VIPR2: variants seen among roughly 807,000 people sequenced by gnomAD.
VIPR2 encodes vasoactive intestinal peptide receptor 2.
VIPR2 carries 48 observed loss-of-function variants against 58.0 expected under a neutral mutation model. The observed-to-expected ratio is 0.83, with a 90% CI of 0.66 to 1.05. VIPR2 has a LOEUF of 1.05. Ranked by LOEUF, VIPR2 falls within the 50% of genes least tolerant of loss-of-function variation. The pLI is 0.00. For missense variants in VIPR2, 534 were observed against 558.0 expected (o/e 0.96, Z 0.43); for synonymous variants, 243 against 235.2 (o/e 1.03, Z -0.30).
rs1857817236 is a variant in VIPR2 at position 159,096,036 on chromosome 7, C to T, written c.357+7721G>A. Among the ~76,000 whole-genome samples the T allele has an allele frequency of 6.6e-6, 1 of 152,140 alleles. No individual in the cohort carries two copies. Among genetic ancestry groups the T allele is most frequent in the African/African-American group, 2.4e-5 (1 of 41,424 alleles). On this transcript the variant is annotated intron_variant, in intron 4 of 12. Transcript: ENST00000262178. The surrounding 1 kb of genome is among the most constrained non-coding windows in gnomAD (Gnocchi z 5.5). ...ACGCACACCTTCTCAGAACCAGCGC[C>T]CCTGCCCCACCCACCTGTGGAGCCC...
At chr7:159,035,931 G>A in intron 8 of VIPR2, 21 bp downstream of exon 8, 1 of 1,607,548 alleles carries the variant, frequency 6.2e-7, no homozygotes, top group Non-Finnish European at 8.5e-7. Flanking sequence ...TTTCGAGGTT[G>A]CAGTCTGGTC....
At chr7:159,142,370 T>C in intron 2 of VIPR2, 76 bp downstream of exon 2, 2 of 1,113,568 alleles carry the variant, frequency 1.8e-6, no homozygotes, top group Non-Finnish European at 2.7e-6. Flanking sequence ...GTGGTGACCC[T>C]GAACCACAGC....
intron 4 of VIPR2, among the ~76,000 whole-genome samples, chr7:159,101,031 C>G (rs1464023732): frequency 8.1e-6 from 1 of 123,048 alleles, no homozygotes; most frequent in East Asian, 2.5e-4. Context: ...TGGTAGTGAA[C>G]TGGTCTCACG....
intron 2 of VIPR2, among the ~76,000 whole-genome samples, chr7:159,123,641 A>T (rs754099312): frequency 5.3e-5 from 8 of 152,202 alleles, no homozygotes; most frequent in Non-Finnish European, 1.0e-4. Flanking sequence ...TTTATGGTAG[A>T]ATGATTTATA....
chr7:159,142,336 TC>T, intron 2 of VIPR2, 109 bp downstream of exon 2: 5 of 772,780 alleles, frequency 6.5e-6, no homozygotes, highest in Admixed American at 5.2e-5. Flanking sequence ...CCTTTCTTTT[TC>T]TTTTTTTTTT....
At chr7:159,043,625 C>G (rs1181069305) in intron 5 of VIPR2, among the ~76,000 whole-genome samples, 1 of 152,192 alleles carries the variant, frequency 6.6e-6, no homozygotes, top group South Asian at 2.1e-4. Context: ...GGCATGCTGT[C>G]TTTAGCTCAC....
At position 159,120,561 on chromosome 7, in the gene VIPR2, A is replaced by G. The variant is rs541407955; in HGVS notation, c.152-10642T>C. On this transcript the variant is annotated intron_variant, in intron 2 of 12. Transcript: ENST00000262178. ...TCAGTATGTCTTCAAGATTCCAAGC[A>G]TTTTTCCAGGTGTAAATTTTCAAAT... Among the ~76,000 whole-genome samples, 18 of 152,252 alleles carry G rather than the reference A, an allele frequency of 1.2e-4. No homozygotes were observed. In the South Asian group the frequency reaches 3.5e-3, roughly 30 times the overall value.
In VIPR2 at chr7:159,099,469, G is replaced by A. The variant is rs951922443; in HGVS notation, c.357+4288C>T. ...GGGCATGACTCTGTGGGCTGACATTGCCACAGCAGGCGGCGGCTGTCACTG... is the reference window on the plus strand; with the variant it reads ...GGGCATGACTCTGTGGGCTGACATTACCACAGCAGGCGGCGGCTGTCACTG... On this transcript the variant is annotated intron_variant, in intron 4 of 12. Coordinates refer to ENST00000262178, the MANE Select transcript of VIPR2 (RefSeq NM_003382.5). This position sits in a 1 kb window ranked among gnomAD's most constrained non-coding sequence, Gnocchi z 4.2. Among the ~76,000 whole-genome samples the A allele has an allele frequency of 6.6e-6, 1 of 152,164 alleles. No individual in the cohort carries two copies. Among genetic ancestry groups the A allele is most frequent in the African/African-American group, 2.4e-5 (1 of 41,442 alleles).
chr7:159,034,659 G>A lies in VIPR2; in HGVS notation c.810-9C>T. The A allele has an allele frequency of 6.2e-7, 1 of 1,613,190 alleles. No homozygotes were observed. Among genetic ancestry groups the A allele is most frequent in the African/African-American group, 1.3e-5 (1 of 75,024 alleles). On this transcript the variant is annotated splice_polypyrimidine_tract_variant and intron_variant, in intron 8 of 12. Coordinates refer to ENST00000262178, the MANE Select transcript of VIPR2 (RefSeq NM_003382.5). ...CGTTTGTATCCCAGCAACTGTCAGA[G>A]AGAGATGGGAAATCAGGTTACCACC...
chr7:159,030,934 G>T, intron 12 of VIPR2, 145 bp from the exon 13 acceptor site: 1 of 1,147,104 alleles, frequency 8.7e-7, no homozygotes, highest in South Asian at 1.7e-5. Flanking sequence ...AACAGAAACG[G>T]CCTTGGGGGC....
chr7:159,105,629 C>A lies in VIPR2; in HGVS notation c.260-1775G>T, dbSNP rs192226059. Among the ~76,000 whole-genome samples the A allele has an allele frequency of 2.3e-4, 35 of 152,256 alleles. 1 individual carries two copies. The East Asian group carries it at 6.6e-3, about 29-fold the overall frequency. On this transcript the variant is annotated intron_variant, in intron 3 of 12. Transcript: ENST00000262178. Reference sequence around the variant, plus strand: ...GCCCTGCCCACTGGCACCCCGACACCATCACCAATCAGGGGCTCTGACTAC... The same window carrying A: ...GCCCTGCCCACTGGCACCCCGACACAATCACCAATCAGGGGCTCTGACTAC...
intron 2 of VIPR2, among the ~76,000 whole-genome samples, chr7:159,111,438 G>A (rs186736688): frequency 6.6e-6 from 1 of 152,200 alleles, no homozygotes; most frequent in African/African-American, 2.4e-5. Context: ...CCAGCGCTTT[G>A]GGAGGATGAG....
At chr7:159,072,000 G>A (rs893747049) in intron 4 of VIPR2, among the ~76,000 whole-genome samples, 2 of 145,276 alleles carry the variant, frequency 1.4e-5, no homozygotes, top group African/African-American at 5.2e-5. Context: ...ATGAAGGCAC[G>A]ATGGTACCGG....
intron 10 of VIPR2, 66 bp downstream of exon 10, chr7:159,034,147 C>T (rs772527970): frequency 2.7e-5 from 42 of 1,531,282 alleles, no homozygotes; most frequent in Non-Finnish European, 1.2e-5. Context: ...TTCCTGGCAG[C>T]GTGGGGGTCT....
At position 159,036,761 on chromosome 7, in the gene VIPR2, T is replaced by C. The variant is rs752470525; in HGVS notation, c.739A>G (p.Ile247Val). Reference sequence around the variant, plus strand: ...GAAGGGGCACACTTACCCCATCCGATCAGGAGGTAGGCCAGGAAGCACCTT... The same window carrying C: ...GAAGGGGCACACTTACCCCATCCGACCAGGAGGTAGGCCAGGAAGCACCTT... ...PRRCFLAYLLIGWGLPTVCIG... is the reference protein window; with the variant it reads ...PRRCFLAYLLVGWGLPTVCIG... The change falls in exon 7 of 13, where the codon ATC (isoleucine) becomes GTC (valine). Residue 247 changes from isoleucine to valine, a missense_variant. By Grantham distance (29) the Ile-to-Val change is conservative (BLOSUM62 3). Transcript: ENST00000262178. 6 of 1,613,160 alleles carry C rather than the reference T, an allele frequency of 3.7e-6. No homozygotes were observed. Among genetic ancestry groups the C allele is most frequent in the Non-Finnish European group, 5.1e-6 (6 of 1,179,634 alleles).
chr7:159,108,332 C>T (rs1233197617), intron 3 of VIPR2, among the ~76,000 whole-genome samples: 1 of 152,230 alleles, frequency 6.6e-6, no homozygotes, highest in Non-Finnish European at 1.5e-5. Flanking sequence ...TGCGGACATT[C>T]CATGGGGACC....
At chr7:159,034,142 G>A in intron 10 of VIPR2, 71 bp downstream of exon 10, 1 of 1,514,028 alleles carries the variant, frequency 6.6e-7, no homozygotes, top group Admixed American at 1.7e-5. Context: ...GGGCCTTCCT[G>A]GCAGCGTGGG....
At chr7:159,070,134 C>T (rs1280841585) in intron 4 of VIPR2, among the ~76,000 whole-genome samples, 2 of 152,170 alleles carry the variant, frequency 1.3e-5, no homozygotes, top group Non-Finnish European at 2.9e-5. Context: ...GGAACTTGCC[C>T]TTTAGGAGGG....
At chr7:159,100,344 C>A (rs1858129369) in intron 4 of VIPR2, among the ~76,000 whole-genome samples, 1 of 152,102 alleles carries the variant, frequency 6.6e-6, no homozygotes, top group African/African-American at 2.4e-5. Flanking sequence ...CACAGTAACA[C>A]CTGCCAATGC....
Sources: gnomAD v4.1 joint callset for allele counts (sites outside exome capture counted in the v4.1 genomes callset) on GRCh38, gnomAD v4.1.1 for gene constraint, Gnocchi (gnomAD v3.1) non-coding constraint, MANE v1.5 for transcripts, NCBI Gene and HGNC (gene_info 2026-07-23, HGNC 2026-07-21) for gene names.